The following ARFGEF1 variants were observed in gnomAD, a reference collection of about 807,000 sequenced individuals.
The protein encoded by ARFGEF1 is brefeldin A-inhibited guanine nucleotide-exchange protein 1.
A neutral mutation model predicts 231.0 loss-of-function variants in ARFGEF1; 42 were observed. The observed-to-expected ratio is 0.18, with a 90% CI of 0.14 to 0.24. The LOEUF (loss-of-function observed/expected upper bound fraction) is 0.24. ARFGEF1 is among the 10% of genes least tolerant of loss of function. The probability of loss-of-function intolerance (pLI) is 1.00; values close to 1 mark genes in which losing one functional copy is unlikely to be tolerated. For missense variants in ARFGEF1, 1,345 were observed against 2,192.0 expected (o/e 0.61, Z 7.72); for synonymous variants, 710 against 732.3 (o/e 0.97, Z 0.49).
intron 19 of ARFGEF1, among the ~76,000 whole-genome samples, chr8:67,245,960 G>C (rs986548899): frequency 6.7e-6 from 1 of 150,264 alleles, no homozygotes; most frequent in Non-Finnish European, 1.5e-5. Flanking sequence ...ACTTGTATCA[G>C]AAAAAATATA....
intron 10 of ARFGEF1, among the ~76,000 whole-genome samples, chr8:67,270,916 CG>C (rs1336314010): frequency 6.7e-6 from 1 of 149,812 alleles, no homozygotes; most frequent in Middle Eastern, 3.2e-3. Flanking sequence ...CCCAGCTACT[CG>C]GGAAGCTAAG....
At chr8:67,240,031 A>G in intron 20 of ARFGEF1, 131 bp downstream of exon 20, 1 of 1,255,314 alleles carries the variant, frequency 8.0e-7, no homozygotes, top group South Asian at 1.4e-5. Context: ...ATTAAGATTC[A>G]TTTAAATTCC....
At chr8:67,222,225 GTATATGTATGTA>G (rs1563846546) in intron 29 of ARFGEF1, among the ~76,000 whole-genome samples, 7 of 64,070 alleles carry the variant, frequency 1.1e-4, no homozygotes, top group African/African-American at 2.6e-4. Flanking sequence ...ATATATATAT[GTATATGTATGTA>G]TGTATGTATG....
intron 7 of ARFGEF1, among the ~76,000 whole-genome samples, chr8:67,284,146 C>A (rs978049859): frequency 6.6e-6 from 1 of 151,934 alleles, no homozygotes; most frequent in Non-Finnish European, 1.5e-5. Context: ...ATGCAGAAAA[C>A]CATGAGAGAA....
At chr8:67,311,593 G>A (rs551571722) in intron 1 of ARFGEF1, among the ~76,000 whole-genome samples, 187 of 143,726 alleles carry the variant, frequency 1.3e-3, no homozygotes, top group Non-Finnish European at 2.0e-3. Context: ...CTGGCCAGCC[G>A]CCTCGTCCGG....
At chr8:67,303,974 C>T (rs1244578656) in intron 1 of ARFGEF1, among the ~76,000 whole-genome samples, 1 of 152,068 alleles carries the variant, frequency 6.6e-6, no homozygotes, top group Non-Finnish European at 1.5e-5. Context: ...AACAACTTGT[C>T]CAAAGGCTGC....
chr8:67,202,401 AG>A (rs1289965051), intron 36 of ARFGEF1, among the ~76,000 whole-genome samples: 1 of 151,960 alleles, frequency 6.6e-6, no homozygotes, highest in Admixed American at 6.6e-5. Context: ...CTGGGATTAC[AG>A]GTATGCGACA....
intron 34 of ARFGEF1, among the ~76,000 whole-genome samples, chr8:67,209,114 A>G (rs969539886): frequency 1.3e-5 from 2 of 152,360 alleles, no homozygotes; most frequent in East Asian, 3.9e-4. Flanking sequence ...AACTGAAAAC[A>G]GGTATTCAAA....
At chr8:67,324,176 T>C (rs1344299138) in intron 1 of ARFGEF1, among the ~76,000 whole-genome samples, 1 of 152,184 alleles carries the variant, frequency 6.6e-6, no homozygotes, top group East Asian at 1.9e-4. Context: ...CTCCTTTGCT[T>C]GGCATTCTAC....
chr8:67,266,165 T>G lies in ARFGEF1; in HGVS notation c.1964A>C (p.His655Pro). ...PSEQEMSEIK[H>P]PETINRYGSL... Reference sequence around the variant, plus strand: ...TCCGTATCTGTTTATTGTCTCAGGGTGTTTGATTTCACTCATCTCTTGCTC... The same window carrying G: ...TCCGTATCTGTTTATTGTCTCAGGGGGTTTGATTTCACTCATCTCTTGCTC... The change falls in exon 14 of 39, where the codon CAC becomes CCC. Residue 655 changes from histidine (H) to proline (P), a missense_variant. By Grantham distance (77) the His-to-Pro change is moderately conservative. Around this residue, in one of 14 missense-constraint regions of ARFGEF1, gnomAD observed 105 missense variants for 159.3 expected, o/e 0.66. Coordinates refer to ENST00000262215, the MANE Select transcript of ARFGEF1 (RefSeq NM_006421.5). 2 of 1,613,734 alleles carry G rather than the reference T, an allele frequency of 1.2e-6. No homozygotes were observed. Among genetic ancestry groups the G allele is most frequent in the Non-Finnish European group, 1.7e-6 (2 of 1,179,824 alleles).
chr8:67,307,297 C>G (rs892959738), intron 1 of ARFGEF1, among the ~76,000 whole-genome samples: 1 of 152,172 alleles, frequency 6.6e-6, no homozygotes, highest in Non-Finnish European at 1.5e-5. Context: ...GAGAATCAAA[C>G]CAGCCACCAA....
In ARFGEF1 at chr8:67,322,252, A is replaced by G. The variant is rs549521041; in HGVS notation, c.125-19786T>C. Among the ~76,000 whole-genome samples, 19 of 152,304 alleles carry G rather than the reference A, an allele frequency of 1.2e-4. No homozygotes were observed. The South Asian group carries it at 3.5e-3, about 28-fold the overall frequency. On this transcript the variant is annotated intron_variant, in intron 1 of 38. Coordinates refer to ENST00000262215, the MANE Select transcript of ARFGEF1 (RefSeq NM_006421.5). ...TCCTACCATTCCTGCTGTACACTTAAGTCTCTTAAAATGCCAACCTTCTAG... is the reference window on the plus strand; with the variant it reads ...TCCTACCATTCCTGCTGTACACTTAGGTCTCTTAAAATGCCAACCTTCTAG...
intron 34 of ARFGEF1, among the ~76,000 whole-genome samples, chr8:67,209,875 G>A (rs118043289): frequency 0.022 from 3,318 of 151,622 alleles, 62 homozygotes; most frequent in Non-Finnish European, 0.035. Context: ...TGCTCCTGCC[G>A]GGCACGGTGG....
intron 1 of ARFGEF1, among the ~76,000 whole-genome samples, chr8:67,315,961 GA>G (rs1187030085): frequency 6.6e-6 from 1 of 151,550 alleles, no homozygotes; most frequent in Non-Finnish European, 1.5e-5. Context: ...GAAAAAAAAG[GA>G]AAAATAATAA....
intron 19 of ARFGEF1, among the ~76,000 whole-genome samples, chr8:67,240,657 A>T (rs1233957496): frequency 6.6e-6 from 1 of 152,148 alleles, no homozygotes; most frequent in Non-Finnish European, 1.5e-5. Flanking sequence ...TTCCAGTAAG[A>T]TCCTGTTAAT....
At chr8:67,185,153 A>T (rs964167747) in intron 5 of ARFGEF1, among the ~76,000 whole-genome samples, 1 of 151,842 alleles carries the variant, frequency 6.6e-6, no homozygotes, top group Non-Finnish European at 1.5e-5. Context: ...AAAACACAAC[A>T]TAGTCCAAGA....
chr8:67,186,765 G>C (rs1208153790), intron 5 of ARFGEF1, among the ~76,000 whole-genome samples: 2 of 152,130 alleles, frequency 1.3e-5, no homozygotes, highest in African/African-American at 4.8e-5. Flanking sequence ...ATTGTCTATA[G>C]AAAATCTGAA....
At chr8:67,206,555 A>G (rs1041584623) in intron 34 of ARFGEF1, among the ~76,000 whole-genome samples, 8 of 152,172 alleles carry the variant, frequency 5.3e-5, no homozygotes, top group African/African-American at 1.7e-4. Flanking sequence ...TTTGTTCAAC[A>G]GGGCGTTTCT....
chr8:67,227,820 CA>C lies in ARFGEF1; in HGVS notation c.3591+142del, dbSNP rs1222900466. 8.3e-6 allele frequency: 7 copies of C among 843,446 alleles called. No individual in the cohort carries two copies. In the South Asian group the frequency reaches 1.8e-4, roughly 22 times the overall value. The allele number at this position is 843,446 out of a possible 1,614,324, so 52.2% of individuals were successfully genotyped here. On this transcript the variant is annotated intron_variant, in intron 25 of 38. Transcript: ENST00000262215. ...GAGCAATCATTTCTAAAAAGAAAAA[CA>C]CCATTCACAGGGTTTTCTAATTTAA...
Sources: gnomAD v4.1 joint callset for allele counts (sites outside exome capture counted in the v4.1 genomes callset) on GRCh38, gnomAD v4.1.1 for gene constraint, gnomAD v4.1.1 regional missense constraint, MANE v1.5 for transcripts, NCBI Gene and HGNC (gene_info 2026-07-23, HGNC 2026-07-21) for gene names.